Variants in PTPRD observed in about 807,000 individuals in gnomAD.
The protein encoded by PTPRD is protein tyrosine phosphatase receptor type D.
In PTPRD, 34 loss-of-function variants were observed where a neutral mutation model predicts 214.5. The ratio of observed to expected loss-of-function variants is 0.16; its 90% confidence interval spans 0.12 to 0.21. The LOEUF is 0.21. Ranked by LOEUF, PTPRD falls within the 10% of genes least tolerant of loss-of-function variation. The pLI, the probability that PTPRD is intolerant of heterozygous loss-of-function variation, is 1.00. For missense variants in PTPRD, 2,545 were observed against 2,398.7 expected, an observed-to-expected ratio of 1.06 and a Z score of -1.27; for synonymous variants, 1,128 against 845.7, an observed-to-expected ratio of 1.33 and a Z score of -5.79.
intron 10 of PTPRD, among the ~76,000 whole-genome samples, chr9:9,035,601 T>C (rs529457063): frequency 4.9e-5 from 7 of 142,580 alleles, no homozygotes; most frequent in Non-Finnish European, 9.2e-5. Flanking sequence ...CCCAGTTAGC[T>C]AACATAGATG....
chr9:10,125,445 T>G (rs867693032), intron 3 of PTPRD, among the ~76,000 whole-genome samples: 2,918 of 112,338 alleles, frequency 0.026, 111 homozygotes, highest in African/African-American at 0.089. Flanking sequence ...ATTATTATTA[T>G]TATTATTATT....
At position 8,395,745 on chromosome 9, in the gene PTPRD, A is replaced by G. The variant is rs1174363682; in HGVS notation, c.4211-6338T>C. Reference sequence around the variant, plus strand: ...ATTTGAACCCAACCTGCAACTCCTCATTAATGTATGTCTTCCTCTACTTGA... The same window carrying G: ...ATTTGAACCCAACCTGCAACTCCTCGTTAATGTATGTCTTCCTCTACTTGA... On this transcript the variant is annotated intron_variant, in intron 36 of 45. Transcript: ENST00000381196. Among the ~76,000 whole-genome samples the G allele has an allele frequency of 5.3e-5, 8 of 152,090 alleles. No individual in the cohort carries two copies. The East Asian group carries it at 1.6e-3, about 30-fold the overall frequency.
At chr9:9,453,108 GA>G (rs1194020780) in intron 8 of PTPRD, among the ~76,000 whole-genome samples, 1 of 150,626 alleles carries the variant, frequency 6.6e-6, no homozygotes, top group Non-Finnish European at 1.5e-5. Flanking sequence ...AAATGGAATG[GA>G]AATTAATATT....
intron 3 of PTPRD, among the ~76,000 whole-genome samples, chr9:10,334,892 G>T (rs569284264): frequency 6.6e-6 from 1 of 151,620 alleles, no homozygotes; most frequent in Non-Finnish European, 1.5e-5. Context: ...AACAAAATAT[G>T]TATGTGATAT....
intron 11 of PTPRD, among the ~76,000 whole-genome samples, chr9:8,829,226 T>C (rs1338142120): frequency 1.3e-5 from 2 of 152,158 alleles, no homozygotes; most frequent in Non-Finnish European, 2.9e-5. Context: ...ATATACAACA[T>C]TTCCATCACC....
intron 8 of PTPRD, among the ~76,000 whole-genome samples, chr9:9,541,590 A>G (rs568925256): frequency 2.0e-5 from 3 of 152,004 alleles, no homozygotes; most frequent in South Asian, 2.1e-4. Context: ...CAACGTTTTA[A>G]TTATACATAT....
chr9:10,154,736 T>C (rs2099082953), intron 3 of PTPRD, among the ~76,000 whole-genome samples: 1 of 149,840 alleles, frequency 6.7e-6, no homozygotes, highest in Admixed American at 6.7e-5. Flanking sequence ...TTTATCAGCT[T>C]TATTGAAGAT....
chr9:9,066,557 CAACA>C (rs140092981), intron 10 of PTPRD, among the ~76,000 whole-genome samples: 53,181 of 151,706 alleles, frequency 0.35, 10,894 homozygotes, highest in East Asian at 0.66. Flanking sequence ...ACAACAACAA[CAACA>C]AAAAGTTTTG....
At chr9:9,507,331 G>A (rs541526551) in intron 8 of PTPRD, among the ~76,000 whole-genome samples, 3 of 151,064 alleles carry the variant, frequency 2.0e-5, no homozygotes, top group Admixed American at 2.0e-4. Context: ...ATGCTACCTG[G>A]GTAATAGGAT....
chr9:9,745,086 A>G (rs1480935353), intron 6 of PTPRD, among the ~76,000 whole-genome samples: 1 of 152,094 alleles, frequency 6.6e-6, no homozygotes, highest in African/African-American at 2.4e-5. Flanking sequence ...TACTTTAAAC[A>G]TGAAAAGTAA....
At chr9:10,398,695 G>A (rs920447437) in intron 2 of PTPRD, among the ~76,000 whole-genome samples, 3 of 151,854 alleles carry the variant, frequency 2.0e-5, no homozygotes, top group Non-Finnish European at 2.9e-5. Flanking sequence ...GAAAGTAATC[G>A]GTATTAGTAG....
In PTPRD at chr9:10,140,816, A is replaced by G. The variant is rs1390368632; in HGVS notation, c.-544-107026T>C. Among the ~76,000 whole-genome samples the G allele has an allele frequency of 2.0e-5, 3 of 151,908 alleles. No homozygotes were observed. In the East Asian group the frequency reaches 5.8e-4, roughly 30 times the overall value. On this transcript the variant is annotated intron_variant, in intron 3 of 45. Coordinates refer to ENST00000381196, the MANE Select transcript of PTPRD (RefSeq NM_002839.4). ...AACCAAAAAAGAGAATTTTAGACCA[A>G]TATCCTTGATGAACATTGATGCAAA...
chr9:8,542,955 C>A (rs1264079841), intron 14 of PTPRD, among the ~76,000 whole-genome samples: 2 of 152,152 alleles, frequency 1.3e-5, no homozygotes, highest in Non-Finnish European at 2.9e-5. Context: ...AGGGTAGTTT[C>A]TCCCTAGCCA....
intron 8 of PTPRD, among the ~76,000 whole-genome samples, chr9:9,467,588 C>CAAAAAAAAAAAAAAAA (rs1176159031): frequency 0.018 from 1,002 of 55,874 alleles, 155 homozygotes; most frequent in East Asian, 0.043. Flanking sequence ...CTCCATCTCC[C>CAAAAAAAAAAAAAAAA]AAAAAAAAAA....
chr9:8,339,984 T>G (rs1201198276), intron 42 of PTPRD, among the ~76,000 whole-genome samples: 1 of 152,056 alleles, frequency 6.6e-6, no homozygotes, highest in East Asian at 1.9e-4. Context: ...GAAAGTCAAG[T>G]TCCTTCATAA....
In PTPRD at chr9:8,465,687, A is replaced by C; in HGVS notation, c.3505-12T>G. 6.3e-7 allele frequency: 1 copy of C among 1,591,802 alleles called. No homozygotes were observed. Among genetic ancestry groups the C allele is most frequent in the Non-Finnish European group, 8.6e-7 (1 of 1,168,902 alleles). ...ATCTCCTTAAGCAGCTTAAGGAAAA[A>C]AGTGGGAAACAGAAAAAGAACTGTA... is the stretch of plus-strand genomic sequence containing the variant. On this transcript the variant is annotated splice_polypyrimidine_tract_variant and intron_variant, in intron 31 of 45. Coordinates refer to ENST00000381196, the MANE Select transcript of PTPRD (RefSeq NM_002839.4).
At chr9:8,659,742 T>A (rs946335362) in intron 12 of PTPRD, among the ~76,000 whole-genome samples, 2 of 152,194 alleles carry the variant, frequency 1.3e-5, no homozygotes, top group Admixed American at 6.5e-5. Context: ...CAGGGATCTG[T>A]TTGAGAATAA....
At chr9:9,615,872 A>G (rs2094827953) in intron 7 of PTPRD, among the ~76,000 whole-genome samples, 1 of 152,200 alleles carries the variant, frequency 6.6e-6, no homozygotes, top group South Asian at 2.1e-4. Context: ...TTGGGCTTCA[A>G]AACAAGTCCT....
chr9:8,547,110 T>A (rs1447291090), intron 14 of PTPRD, among the ~76,000 whole-genome samples: 2 of 152,190 alleles, frequency 1.3e-5, no homozygotes, highest in Non-Finnish European at 2.9e-5. Context: ...GACACAGGCA[T>A]AAATATTGTA....
Sources: allele counts gnomAD v4.1 joint callset (sites outside exome capture counted in the v4.1 genomes callset), GRCh38; gene constraint gnomAD v4.1.1; transcripts MANE v1.5; gene names NCBI Gene and HGNC (gene_info 2026-07-23, HGNC 2026-07-21).